Variants in ALMS1 observed in about 807,000 individuals in gnomAD.
ALMS1 encodes the protein ALMS1 centrosome and basal body associated protein, also known as centrosome-associated protein ALMS1.
ALMS1 carries 271 observed loss-of-function variants against 352.2 expected under a neutral mutation model. The ratio of observed to expected loss-of-function variants is 0.77; its 90% confidence interval spans 0.70 to 0.85. ALMS1 has a LOEUF of 0.85. ALMS1 is among the 40% of genes least tolerant of loss of function. The pLI, the probability that ALMS1 is intolerant of heterozygous loss-of-function variation, is 0.00. For synonymous variants in ALMS1, 1,865 were observed against 1,761.2 expected, an observed-to-expected ratio of 1.06 and a Z score of -1.48; for missense variants, 5,445 against 4,870.7, an observed-to-expected ratio of 1.12 and a Z score of -3.51.
chr2:73,502,981 A>G (rs1673247396), intron 10 of ALMS1, among the ~76,000 whole-genome samples: 1 of 152,176 alleles, frequency 6.6e-6, no homozygotes, highest in Admixed American at 6.5e-5. Flanking sequence ...CATTTCCTAT[A>G]AAAGGACATT....
intron 12 of ALMS1, among the ~76,000 whole-genome samples, chr2:73,549,630 C>CT (rs985978632): frequency 4.6e-5 from 7 of 152,296 alleles, no homozygotes; most frequent in African/African-American, 1.7e-4. Flanking sequence ...CAAAAAACTA[C>CT]TTTTTTTCCA....
chr2:73,478,761 G>A, intron 9 of ALMS1, among the ~76,000 whole-genome samples: 1 of 151,944 alleles, frequency 6.6e-6, no homozygotes, highest in South Asian at 2.1e-4. Flanking sequence ...ATGGTGGTTT[G>A]CTGCACCTAT....
At chr2:73,563,722 C>CAAAAAAAAAAAAA (rs1170434973) in intron 15 of ALMS1, among the ~76,000 whole-genome samples, 1 of 52,174 alleles carries the variant, frequency 1.9e-5, no homozygotes. Context: ...GACTCCATCT[C>CAAAAAAAAAAAAA]AAAAAAAAAA....
rs1291450244 is a variant in ALMS1 at position 73,424,912 on chromosome 2, C to G, written c.1237+10C>G. 2 of 1,581,250 alleles carry G rather than the reference C, an allele frequency of 1.3e-6. No individual in the cohort carries two copies. ...GAAACATATTTAACCAGTAAGTACC[C>G]TGATTCTTTTTCAGATTCATCTGAC... On this transcript the variant is annotated intron_variant, in intron 5 of 22. Transcript: ENST00000613296.
At chr2:73,521,064 A>G (rs1324639792) in intron 11 of ALMS1, among the ~76,000 whole-genome samples, 1 of 152,206 alleles carries the variant, frequency 6.6e-6, no homozygotes, top group African/African-American at 2.4e-5. Flanking sequence ...TTTAAATTGC[A>G]TTGAATTTAA....
At position 73,579,111 on chromosome 2, in the gene ALMS1, G is replaced by A. The variant is rs529126238; in HGVS notation, c.11547+5687G>A. On this transcript the variant is annotated intron_variant, in intron 16 of 22. Transcript: ENST00000613296. ...TGAGACGGAGTCGTCCTGGGCTGTA[G>A]TGCAATGGCACAATCTAAGCTCACT... 1.5e-4 allele frequency among the ~76,000 whole-genome samples: 20 copies of A among 133,852 alleles called. No individual in the cohort carries two copies. The South Asian group carries it at 4.5e-3, about 30-fold the overall frequency. 87.8% of individuals were successfully genotyped at this position (133,852 alleles called of 152,430 possible).
intron 10 of ALMS1, among the ~76,000 whole-genome samples, chr2:73,498,001 G>A (rs553304530): frequency 3.3e-5 from 5 of 152,132 alleles, no homozygotes; most frequent in Non-Finnish European, 4.4e-5. Flanking sequence ...CAATAAAGCC[G>A]ATCACATGAA....
intron 9 of ALMS1, among the ~76,000 whole-genome samples, chr2:73,464,213 T>C (rs908836962): frequency 3.3e-5 from 5 of 152,126 alleles, no homozygotes; most frequent in East Asian, 1.9e-4. Flanking sequence ...ACTGGCAAAC[T>C]GAATCCAGCA....
intron 15 of ALMS1, among the ~76,000 whole-genome samples, chr2:73,565,130 A>G (rs1209532833): frequency 6.6e-6 from 1 of 152,250 alleles, no homozygotes; most frequent in Non-Finnish European, 1.5e-5. Flanking sequence ...AGGCACTATT[A>G]GTAGAAACAG....
At chr2:73,409,038 A>G (rs546902706) in intron 2 of ALMS1, among the ~76,000 whole-genome samples, 1 of 151,050 alleles carries the variant, frequency 6.6e-6, no homozygotes, top group Non-Finnish European at 1.5e-5. Flanking sequence ...AAACCCACCT[A>G]ATTATTTTTA....
At chr2:73,484,276 C>T (rs1332699926) in intron 9 of ALMS1, among the ~76,000 whole-genome samples, 1 of 151,570 alleles carries the variant, frequency 6.6e-6, no homozygotes, top group Non-Finnish European at 1.5e-5. Context: ...CTAGTGGTGA[C>T]AAAATCTCTC....
chr2:73,523,926 G>A lies in ALMS1; in HGVS notation c.9781+3910G>A, dbSNP rs559341184. Reference sequence around the variant, plus strand: ...TGGTTACAGGATATAAGAGAAAACCGTGGTCTATAAGAATAAAGATAAACG... The same window carrying A: ...TGGTTACAGGATATAAGAGAAAACCATGGTCTATAAGAATAAAGATAAACG... On this transcript the variant is annotated intron_variant, in intron 11 of 22. Coordinates refer to ENST00000613296, the MANE Select transcript of ALMS1 (RefSeq NM_001378454.1). 5.3e-5 allele frequency among the ~76,000 whole-genome samples: 8 copies of A among 152,246 alleles called. No individual in the cohort carries two copies. The South Asian group carries it at 6.2e-4, about 12-fold the overall frequency.
intron 1 of ALMS1, among the ~76,000 whole-genome samples, chr2:73,404,851 C>G (rs141026173): frequency 2.4e-3 from 267 of 112,010 alleles, no homozygotes; most frequent in African/African-American, 9.0e-3. Flanking sequence ...GTTAATTCTT[C>G]TTTAAATGTA....
At chr2:73,577,082 A>G (rs1413428028) in intron 16 of ALMS1, among the ~76,000 whole-genome samples, 1 of 152,210 alleles carries the variant, frequency 6.6e-6, no homozygotes, top group African/African-American at 2.4e-5. Flanking sequence ...TTTTACATCT[A>G]TATTCACAAG....
At chr2:73,546,639 T>C (rs1221383589) in intron 12 of ALMS1, among the ~76,000 whole-genome samples, 1 of 152,228 alleles carries the variant, frequency 6.6e-6, no homozygotes, top group East Asian at 1.9e-4. Context: ...TACGAACTTA[T>C]GAAGATCTTT....
chr2:73,500,168 A>C (rs1673191111), intron 10 of ALMS1, among the ~76,000 whole-genome samples: 1 of 152,228 alleles, frequency 6.6e-6, no homozygotes, highest in Non-Finnish European at 1.5e-5. Flanking sequence ...TGAAATGACA[A>C]GTCTTGTTTA....
At chr2:73,526,721 A>G (rs1157562402) in intron 11 of ALMS1, among the ~76,000 whole-genome samples, 1 of 152,170 alleles carries the variant, frequency 6.6e-6, no homozygotes, top group Non-Finnish European at 1.5e-5. Flanking sequence ...GCAAACAAGG[A>G]TAATTTGACT....
At chr2:73,413,722 T>C (rs572107372) in intron 2 of ALMS1, among the ~76,000 whole-genome samples, 3 of 152,252 alleles carry the variant, frequency 2.0e-5, no homozygotes, top group Non-Finnish European at 2.9e-5. Flanking sequence ...TTGGTTTTTG[T>C]ATATGGTGTG....
intron 9 of ALMS1, among the ~76,000 whole-genome samples, chr2:73,487,347 AGTGCTGGCACTG>A (rs1327436434): frequency 1.2e-4 from 18 of 152,308 alleles, no homozygotes; most frequent in African/African-American, 4.3e-4. Flanking sequence ...AGGCAGCTCC[AGTGCTGGCACTG>A]GTGCTGGCGC....
Sources: allele counts gnomAD v4.1 joint callset (sites outside exome capture counted in the v4.1 genomes callset), GRCh38; gene constraint gnomAD v4.1.1; transcripts MANE v1.5; gene names NCBI Gene and HGNC (gene_info 2026-07-23, HGNC 2026-07-21).